Variants in TXNDC9 observed in about 807,000 individuals in gnomAD.
The protein encoded by TXNDC9 is thioredoxin domain containing 9.
A neutral mutation model predicts 23.0 loss-of-function variants in TXNDC9; 7 were observed. The ratio of observed to expected loss-of-function variants is 0.30; its 90% CI spans 0.17 to 0.57. TXNDC9 has a LOEUF of 0.57. TXNDC9 is among the 20% of genes least tolerant of loss of function. The pLI, the probability that TXNDC9 is intolerant of heterozygous loss-of-function variation, is 0.90. For missense variants in TXNDC9, 198 were observed against 252.6 expected (o/e 0.78, Z 1.47); for synonymous variants, 72 against 90.6 (o/e 0.79, Z 1.17).
downstream of TXNDC9, among the ~76,000 whole-genome samples, chr2:99,315,361 G>A (rs1314574796): frequency 3.3e-5 from 5 of 151,972 alleles, no homozygotes; most frequent in Admixed American, 6.6e-5. Context: ...CACCGCGCCC[G>A]GCCCCTTTAC....
At chr2:99,331,568 G>A (rs956402851) in intron 2 of TXNDC9, among the ~76,000 whole-genome samples, 8 of 150,782 alleles carry the variant, frequency 5.3e-5, no homozygotes, top group African/African-American at 1.7e-4. Flanking sequence ...TTTAAAATAC[G>A]GTAGGGTACA....
chr2:99,317,105 A>C (rs1209786809), downstream of TXNDC9, among the ~76,000 whole-genome samples: 1 of 152,194 alleles, frequency 6.6e-6, no homozygotes, highest in East Asian at 1.9e-4. Context: ...GTTTGATGGA[A>C]TATTGTAAGC....
the TXNDC9 span, among the ~76,000 whole-genome samples, chr2:99,307,120 CTT>C: frequency 1.2e-3 from 147 of 121,226 alleles, no homozygotes; most frequent in African/African-American, 3.9e-3. Context: ...CTCTCTCTCT[CTT>C]TCTCTCTCTC....
the TXNDC9 span, among the ~76,000 whole-genome samples, chr2:99,310,513 C>G: frequency 2.0e-5 from 3 of 152,130 alleles, no homozygotes; most frequent in African/African-American, 7.2e-5. Context: ...ATTGGAATCA[C>G]TAATGTGATT....
downstream of TXNDC9, among the ~76,000 whole-genome samples, chr2:99,315,496 A>G (rs1243331320): frequency 2.0e-5 from 3 of 152,118 alleles, no homozygotes; most frequent in South Asian, 6.2e-4. Context: ...TGTTATTCTA[A>G]TCTGTTGGTA....
Position 99,319,646 on chromosome 2 carries a change from G to GAA in TXNDC9, c.*34_*35dup. The GAA allele has an allele frequency of 2.8e-6, 4 of 1,419,340 alleles. No individual in the cohort carries two copies. The highest frequency in any genetic ancestry group is 2.2e-5 in the Admixed American group (1 of 46,316). The allele number at this position is 1,419,340 out of a possible 1,614,324, so 87.9% of individuals were successfully genotyped here. On this transcript the variant is annotated 3_prime_UTR_variant, in exon 5 of 5. Transcript: ENST00000264255. Reference sequence around the variant, plus strand: ...TAAAAACACATTTAAATCTGAAGCAGAAAAAAAAAGACAATTTACAAAGAA... The same window carrying GAA: ...TAAAAACACATTTAAATCTGAAGCAGAAAAAAAAAAAGACAATTTACAAAGAA...
chr2:99,313,806 G>A, the TXNDC9 span, among the ~76,000 whole-genome samples: 3 of 152,132 alleles, frequency 2.0e-5, no homozygotes, highest in Non-Finnish European at 4.4e-5. Flanking sequence ...GTGTCCTTTT[G>A]TCCCTCCTAC....
intron 3 of TXNDC9, among the ~76,000 whole-genome samples, chr2:99,324,282 AT>A (rs2094208824): frequency 6.6e-6 from 1 of 152,156 alleles, no homozygotes; most frequent in Non-Finnish European, 1.5e-5. Flanking sequence ...CTTCATGGTT[AT>A]TTTTACCAGT....
intron 3 of TXNDC9, among the ~76,000 whole-genome samples, chr2:99,326,315 G>T (rs1055699313): frequency 1.6e-4 from 25 of 152,156 alleles, no homozygotes; most frequent in African/African-American, 6.0e-4. Context: ...CAATGAAGCT[G>T]TTGGGTTGTG....
chr2:99,306,721 T>C, the TXNDC9 span: 1 of 443,868 alleles, frequency 2.3e-6, no homozygotes, highest in South Asian at 1.6e-5. Flanking sequence ...ACTGAGGACA[T>C]GTGAACTGGT....
intron 2 of TXNDC9, among the ~76,000 whole-genome samples, chr2:99,332,282 A>C (rs1320346518): frequency 6.6e-6 from 1 of 152,170 alleles, no homozygotes; most frequent in Non-Finnish European, 1.5e-5. Flanking sequence ...ATCTCTACTA[A>C]AAATACAAAA....
chr2:99,332,777 C>T (rs560458862), intron 2 of TXNDC9: 2 of 417,432 alleles, frequency 4.8e-6, no homozygotes, highest in Non-Finnish European at 8.5e-6. Context: ...CAAATCCAAG[C>T]TCAGAAAAAC....
chr2:99,318,038 G>A (rs913982514), downstream of TXNDC9, among the ~76,000 whole-genome samples: 7 of 152,152 alleles, frequency 4.6e-5, no homozygotes, highest in East Asian at 1.9e-4. Context: ...TTACAGGCAC[G>A]TGCCATGATG....
chr2:99,308,058 A>C, the TXNDC9 span, among the ~76,000 whole-genome samples: 1 of 152,200 alleles, frequency 6.6e-6, no homozygotes, highest in African/African-American at 2.4e-5. Context: ...GACGGAACAG[A>C]GGGGCCAAGT....
At chr2:99,322,837 C>G (rs1220908264) in intron 3 of TXNDC9, 11 of 730,866 alleles carry the variant, frequency 1.5e-5, no homozygotes, top group Non-Finnish European at 2.0e-5. Context: ...GCTCGGCTCA[C>G]TGCAAGCTCC....
intron 4 of TXNDC9, 50 bp from the exon 5 acceptor site, chr2:99,319,849 AC>A: frequency 9.3e-7 from 1 of 1,077,334 alleles, no homozygotes; most frequent in African/African-American, 1.6e-5. Flanking sequence ...GTACTAGTAT[AC>A]TAAACTGCAC....
Position 99,336,135 on chromosome 2 carries a change from G to A in TXNDC9, c.-33+104C>T, listed in dbSNP as rs1007416991. 18 of 942,700 alleles carry A rather than the reference G, an allele frequency of 1.9e-5. No individual in the cohort carries two copies. The East Asian group carries it at 7.0e-4, about 37-fold the overall frequency. The allele number at this position is 942,700 out of a possible 1,614,324, so 58.4% of individuals were successfully genotyped here. ...GAGCCTCTGCCAGGACACCGACACC[G>A]GTGCTGGGGCCGCGCCCCTCCTCCG... is the stretch of plus-strand genomic sequence containing the variant. On this transcript the variant is annotated intron_variant, in intron 1 of 4. Transcript: ENST00000264255.
chr2:99,327,014 C>G (rs1001797355), intron 3 of TXNDC9, among the ~76,000 whole-genome samples: 4 of 152,108 alleles, frequency 2.6e-5, no homozygotes, highest in African/African-American at 9.7e-5. Flanking sequence ...CAGTAATATT[C>G]ATTTATACTT....
downstream of TXNDC9, among the ~76,000 whole-genome samples, chr2:99,317,926 C>T (rs1026109373): frequency 3.3e-5 from 5 of 152,172 alleles, no homozygotes; most frequent in East Asian, 3.8e-4. Context: ...GGTCTCACTC[C>T]GTCACCCAGG....
Sources: gnomAD v4.1 joint callset for allele counts (sites outside exome capture counted in the v4.1 genomes callset) on GRCh38, gnomAD v4.1.1 for gene constraint, MANE v1.5 for transcripts, NCBI Gene and HGNC (gene_info 2026-07-23, HGNC 2026-07-21) for gene names.